Variants in TLL2 observed in about 807,000 individuals in gnomAD.
TLL2 encodes tolloid like 2.
A neutral mutation model predicts 123.0 loss-of-function variants in TLL2; 106 were observed. The observed-to-expected ratio is 0.86, with a 90% CI of 0.74 to 1.01. TLL2 has a LOEUF of 1.01. Among genes scored for constraint, TLL2 ranks in the 50% least tolerant of loss-of-function variants. TLL2 has a pLI of 0.00. For missense variants in TLL2, 1,332 were observed against 1,336.7 expected (o/e 1.00, Z 0.06); for synonymous variants, 494 against 516.8 (o/e 0.96, Z 0.60).
At position 96,446,030 on chromosome 10, in the gene TLL2, G is replaced by A. The variant is rs967328853; in HGVS notation, c.364+61C>T. ...TAAAATGGTAAGTCTTATGTCACGT[G>A]TATTTTTCCACAACTGAAAGAAAAC... On this transcript the variant is annotated intron_variant, in intron 3 of 20. Coordinates refer to ENST00000357947, the MANE Select transcript of TLL2 (RefSeq NM_012465.4). 18 of 1,527,476 alleles carry A rather than the reference G, an allele frequency of 1.2e-5. No homozygotes were observed. In the African/African-American group the frequency reaches 2.3e-4, roughly 20 times the overall value. The allele number at this position is 1,527,476 out of a possible 1,614,324, so 94.6% of individuals were successfully genotyped here.
chr10:96,421,332 T>C (rs1322122057), intron 6 of TLL2, among the ~76,000 whole-genome samples: 1 of 152,082 alleles, frequency 6.6e-6, no homozygotes, highest in East Asian at 1.9e-4. Context: ...AGATTAGTTA[T>C]CAACTTGCTT....
intron 2 of TLL2, among the ~76,000 whole-genome samples, chr10:96,459,669 CAAAAAAAAAAAAAAAAA>C (rs1165594084): frequency 1.2e-3 from 30 of 24,442 alleles, no homozygotes; most frequent in African/African-American, 4.0e-3. Flanking sequence ...GATCCTGTTT[CAAAAAAAAAAAAAAAAA>C]AAAAAAAAAA....
At chr10:96,449,416 A>G (rs926732313) in intron 2 of TLL2, among the ~76,000 whole-genome samples, 3 of 152,242 alleles carry the variant, frequency 2.0e-5, no homozygotes, top group East Asian at 3.8e-4. Flanking sequence ...TCATGGGTCT[A>G]GCTCAGCTTG....
At chr10:96,402,588 G>C (rs974559619) in intron 10 of TLL2, among the ~76,000 whole-genome samples, 4 of 152,170 alleles carry the variant, frequency 2.6e-5, no homozygotes, top group Admixed American at 2.6e-4. Context: ...GCAGGAAACA[G>C]AAATCCAGGC....
rs59373048 is a variant in TLL2, at chr10:96,450,158, C to CCTGGATGG, written c.287-3991_287-3990insCCATCCAG. The stretch of plus-strand genomic sequence containing the variant: ...GGATGGGTAGGTGGGTGAATGAATG[C>CCTGGATGG]ATGGATGGATGGATGGATGGATGGA... On this transcript the variant is annotated intron_variant, in intron 2 of 20. Transcript: ENST00000357947. Among the ~76,000 whole-genome samples, 680 of 150,778 alleles carry CCTGGATGG rather than the reference C, an allele frequency of 4.5e-3. 11 individuals are homozygous for CCTGGATGG. The highest frequency in any genetic ancestry group is 0.034 in the Admixed American group (523 of 15,166).
intron 8 of TLL2, among the ~76,000 whole-genome samples, chr10:96,411,442 C>G (rs1846506632): frequency 6.6e-6 from 1 of 152,134 alleles, no homozygotes; most frequent in Non-Finnish European, 1.5e-5. Context: ...GCACAGGGAG[C>G]TGGAATCTTC....
At chr10:96,432,017 G>C (rs920619435) in intron 4 of TLL2, among the ~76,000 whole-genome samples, 13 of 152,136 alleles carry the variant, frequency 8.5e-5, no homozygotes, top group Non-Finnish European at 1.2e-4. Flanking sequence ...GAAGGGTAGA[G>C]AGGGTCAAAG....
At chr10:96,372,425 C>T (rs1301406825) in intron 19 of TLL2, among the ~76,000 whole-genome samples, 2 of 152,166 alleles carry the variant, frequency 1.3e-5, no homozygotes, top group African/African-American at 4.8e-5. Flanking sequence ...CACAATTGTA[C>T]ATCAGGATCA....
At chr10:96,450,201 G>GGATGGACA (rs1243415336) in intron 2 of TLL2, among the ~76,000 whole-genome samples, 3 of 148,232 alleles carry the variant, frequency 2.0e-5, no homozygotes, top group South Asian at 2.1e-4. Context: ...ATGGATGGAT[G>GGATGGACA]GACATACGAG....
chr10:96,403,078 C>T (rs1846411159), intron 10 of TLL2, among the ~76,000 whole-genome samples: 1 of 152,174 alleles, frequency 6.6e-6, no homozygotes, highest in Non-Finnish European at 1.5e-5. Flanking sequence ...CCTACAGACC[C>T]CTCTACGAGT....
chr10:96,509,184 G>A (rs943796688), intron 1 of TLL2, among the ~76,000 whole-genome samples: 6 of 152,178 alleles, frequency 3.9e-5, no homozygotes, highest in Non-Finnish European at 7.3e-5. Context: ...GAACCCACTT[G>A]TTGAGTCACC....
chr10:96,450,201 G>GGACA (rs1554937436), intron 2 of TLL2, among the ~76,000 whole-genome samples: 316 of 148,344 alleles, frequency 2.1e-3, no homozygotes, highest in Non-Finnish European at 3.2e-3. Flanking sequence ...ATGGATGGAT[G>GGACA]GACATACGAG....
intron 1 of TLL2, among the ~76,000 whole-genome samples, chr10:96,504,224 C>A (rs1314718805): frequency 1.3e-5 from 2 of 152,200 alleles, no homozygotes; most frequent in African/African-American, 4.8e-5. Flanking sequence ...GCTCAGACAT[C>A]TGGTTGGCTT....
chr10:96,442,473 G>T (rs894690985), intron 3 of TLL2, among the ~76,000 whole-genome samples: 11 of 152,234 alleles, frequency 7.2e-5, no homozygotes, highest in Admixed American at 3.3e-4. Context: ...GGACTGGTTA[G>T]AACGGCCTGC....
chr10:96,513,412 G>A (rs2134120204), intron 1 of TLL2, 99 bp downstream of exon 1: 2 of 1,492,406 alleles, frequency 1.3e-6, no homozygotes, highest in Non-Finnish European at 1.8e-6. Context: ...GGGAGGGGAG[G>A]GGAGACCCGC....
chr10:96,369,582 G>A (rs905603660), intron 20 of TLL2, among the ~76,000 whole-genome samples: 2 of 151,974 alleles, frequency 1.3e-5, no homozygotes, highest in Admixed American at 6.6e-5. Flanking sequence ...CCAACATGGT[G>A]AAACCCCGTC....
At position 96,428,620 on chromosome 10, in the gene TLL2, C is replaced by T. The variant is rs750282027; in HGVS notation, c.638+11G>A. 1.1e-5 allele frequency: 17 copies of T among 1,593,282 alleles called. No individual in the cohort carries two copies. The highest frequency in any genetic ancestry group is 1.3e-5 in the African/African-American group (1 of 74,500). On this transcript the variant is annotated intron_variant, in intron 5 of 20. Coordinates refer to ENST00000357947, the MANE Select transcript of TLL2 (RefSeq NM_012465.4). ...GATTCTGCAGAGGTGGCCTCGCTTT[C>T]GTTTACTTACCCACAGGTTCTGTAA...
At chr10:96,386,918 C>T (rs561297113) in intron 14 of TLL2, 35 bp downstream of exon 14, 6 of 1,612,714 alleles carry the variant, frequency 3.7e-6, no homozygotes, top group East Asian at 2.2e-5. Context: ...GTCCCATATA[C>T]CCTCTCATTC....
In TLL2 at chr10:96,373,748, T is replaced by C. The variant is rs1298136855; in HGVS notation, c.2510A>G (p.Tyr837Cys). 5 of 1,614,246 alleles carry C rather than the reference T, an allele frequency of 3.1e-6. No individual in the cohort carries two copies. The highest frequency in any genetic ancestry group is 1.1e-5 in the South Asian group (1 of 91,088). The change falls in exon 19 of 21, where the codon TAT (tyrosine) becomes TGT (cysteine). Residue 837 changes from tyrosine to cysteine, a missense_variant. Physicochemically the swap from Tyr to Cys is radical, Grantham distance 194 (BLOSUM62 -2). Coordinates refer to ENST00000357947, the MANE Select transcript of TLL2 (RefSeq NM_012465.4). ...QECAYDHLEMYDGPDSLAPIL... is the reference protein window; with the variant it reads ...QECAYDHLEMCDGPDSLAPIL... ...GGGGGCCAGGCTGTCCGGCCCGTCA[T>C]ACATTTCCAGGTGGTCATAGGCACA... is the stretch of plus-strand genomic sequence containing the variant.
Sources: allele counts gnomAD v4.1 joint callset (sites outside exome capture counted in the v4.1 genomes callset), GRCh38; gene constraint gnomAD v4.1.1; transcripts MANE v1.5; gene names NCBI Gene and HGNC (gene_info 2026-07-23, HGNC 2026-07-21).